ART3: variants seen among roughly 807,000 people sequenced by gnomAD.
The protein encoded by ART3 is ecto-ADP-ribosyltransferase 3.
In ART3, 49 loss-of-function variants were observed where a neutral mutation model predicts 48.5. The ratio of observed to expected loss-of-function variants is 1.01; its 90% CI spans 0.80 to 1.28. The LOEUF is 1.28. ART3 is among the 50% of genes most tolerant of loss of function. The probability of loss-of-function intolerance (pLI) is 0.00; values close to 1 mark genes in which losing one functional copy is unlikely to be tolerated. For missense variants in ART3, 438 were observed against 454.3 expected, an observed-to-expected ratio of 0.96 and a Z score of 0.33; for synonymous variants, 145 against 157.2, an observed-to-expected ratio of 0.92 and a Z score of 0.58.
chr4:76,036,409 A>G (rs1034602204), intron 1 of ART3, among the ~76,000 whole-genome samples: 7 of 152,112 alleles, frequency 4.6e-5, no homozygotes, highest in Admixed American at 4.6e-4. Flanking sequence ...CCCACCCTTC[A>G]TCCTTCACAT....
At chr4:76,043,214 G>A (rs1233899032) in intron 1 of ART3, among the ~76,000 whole-genome samples, 1 of 152,084 alleles carries the variant, frequency 6.6e-6, no homozygotes, top group African/African-American at 2.4e-5. Flanking sequence ...CCAGACTCAG[G>A]AGCCCAGCTG....
chr4:76,048,857 T>C (rs903191417), intron 1 of ART3, among the ~76,000 whole-genome samples: 45 of 152,026 alleles, frequency 3.0e-4, no homozygotes, highest in African/African-American at 1.1e-3. Context: ...GTTAGAGTCC[T>C]AAGCATTCTC....
In ART3 at chr4:76,097,653, C is replaced by G. The variant is rs201886580; in HGVS notation, c.791C>G (p.Thr264Ser). The change falls in exon 4 of 12, where the codon ACC becomes AGC. Residue 264 changes from threonine (T) to serine (S), a missense_variant. Transcript: ENST00000355810. Reference protein sequence around the residue: ...YECAFLGGLKTENCIENLEYF... With the variant: ...YECAFLGGLKSENCIENLEYF... ...TATCTTTGTGTTTCAGGACTAAAAA[C>G]CGAAAACTGTATTGAGAACCTAGGT... The G allele has an allele frequency of 1.1e-4, 175 of 1,607,342 alleles. 2 individuals are homozygous for G. The highest frequency in any genetic ancestry group is 1.5e-5 in the Non-Finnish European group (18 of 1,174,298).
chr4:76,063,297 A>G (rs1719411774), intron 1 of ART3, among the ~76,000 whole-genome samples: 1 of 152,192 alleles, frequency 6.6e-6, no homozygotes, highest in South Asian at 2.1e-4. Context: ...TAATGAAGGA[A>G]TGAGTCATTG....
intron 1 of ART3, among the ~76,000 whole-genome samples, chr4:76,052,613 C>T (rs1202131747): frequency 6.6e-6 from 1 of 152,160 alleles, no homozygotes; most frequent in Non-Finnish European, 1.5e-5. Flanking sequence ...CCAACCCTTC[C>T]AAGTCTCCAC....
At chr4:76,066,087 A>G (rs1328618103) in intron 1 of ART3, among the ~76,000 whole-genome samples, 1 of 152,218 alleles carries the variant, frequency 6.6e-6, no homozygotes, top group Non-Finnish European at 1.5e-5. Flanking sequence ...GCTCCTCTGG[A>G]CTGAAACCCT....
chr4:76,058,420 A>C (rs567169587), intron 1 of ART3, among the ~76,000 whole-genome samples: 1 of 152,272 alleles, frequency 6.6e-6, no homozygotes, highest in African/African-American at 2.4e-5. Flanking sequence ...AGAGGTGTAA[A>C]GTTTCACAAG....
At chr4:76,020,553 G>C (rs1732702946) in intron 1 of ART3, among the ~76,000 whole-genome samples, 1 of 152,232 alleles carries the variant, frequency 6.6e-6, no homozygotes, top group Admixed American at 6.5e-5. Flanking sequence ...TCTGGTTTGG[G>C]AAACTGATTG....
chr4:76,037,241 T>A (rs1300707667), intron 1 of ART3, among the ~76,000 whole-genome samples: 2 of 98,362 alleles, frequency 2.0e-5, no homozygotes, highest in African/African-American at 8.9e-5. Context: ...TCCTATTTTT[T>A]TGTCTTTATC....
At chr4:76,088,346 T>C (rs776107869) in intron 3 of ART3, among the ~76,000 whole-genome samples, 8 of 151,928 alleles carry the variant, frequency 5.3e-5, no homozygotes, top group Non-Finnish European at 1.0e-4. Context: ...CTCTACATAA[T>C]TTATAGAGTA....
At chr4:76,021,909 C>G in intron 1 of ART3, 1 of 1,609,026 alleles carries the variant, frequency 6.2e-7, no homozygotes, top group Non-Finnish European at 8.5e-7. Flanking sequence ...AGCACTGCAT[C>G]GATTTTGCTC....
chr4:76,097,567 C>A, intron 3 of ART3, 77 bp from the exon 4 acceptor site: 1 of 1,248,778 alleles, frequency 8.0e-7, no homozygotes, highest in Non-Finnish European at 1.2e-6. Flanking sequence ...ATTAGGTTAC[C>A]AACAGCCATA....
At chr4:76,033,220 A>G (rs1287995029) in intron 1 of ART3, among the ~76,000 whole-genome samples, 1 of 152,114 alleles carries the variant, frequency 6.6e-6, no homozygotes, top group Admixed American at 6.5e-5. Context: ...ATGGACAAAG[A>G]CCTAAGGGAA....
At chr4:76,074,499 A>G (rs756247583), upstream of ART3, among the ~76,000 whole-genome samples, 50 of 152,334 alleles carry the variant, frequency 3.3e-4, no homozygotes, top group Non-Finnish European at 6.3e-4. Flanking sequence ...GAAGCCCAGA[A>G]CTGTGGGCTC....
chr4:76,112,287 C>T (rs1729640756), intron 11 of ART3, 99 bp from the exon 12 acceptor site: 2 of 1,411,052 alleles, frequency 1.4e-6, no homozygotes, highest in African/African-American at 1.5e-5. Flanking sequence ...TCTACTTCAA[C>T]TTTAGTGTCA....
intron 2 of ART3, among the ~76,000 whole-genome samples, chr4:76,079,538 A>G (rs537318595): frequency 6.6e-6 from 1 of 152,314 alleles, no homozygotes; most frequent in Admixed American, 6.5e-5. Context: ...AACTGTAAGC[A>G]TGTATATAAC....
chr4:76,106,187 G>T (rs1270918953), intron 10 of ART3: 1 of 985,252 alleles, frequency 1.0e-6, no homozygotes, highest in Non-Finnish European at 1.2e-6. Context: ...TTCAAGCTTT[G>T]TTCACTTTGT....
At chr4:76,059,828 A>T (rs139144535) in intron 1 of ART3, among the ~76,000 whole-genome samples, 1 of 152,224 alleles carries the variant, frequency 6.6e-6, no homozygotes, top group Admixed American at 6.5e-5. Context: ...AAGTTTGTAC[A>T]TGTCTCACAG....
chr4:76,069,386 C>CTTT (rs34858048), intron 1 of ART3, among the ~76,000 whole-genome samples: 10,547 of 110,086 alleles, frequency 0.096, 826 homozygotes, highest in East Asian at 0.3. Flanking sequence ...TACTTAATTC[C>CTTT]TTTTTTTTTT....
Sources: allele counts gnomAD v4.1 joint callset (sites outside exome capture counted in the v4.1 genomes callset), GRCh38; gene constraint gnomAD v4.1.1; transcripts MANE v1.5; gene names NCBI Gene and HGNC (gene_info 2026-07-23, HGNC 2026-07-21).